The following HFM1 variants were observed in gnomAD, a reference collection of about 807,000 sequenced individuals.
The protein encoded by HFM1 is probable ATP-dependent DNA helicase HFM1.
Under a neutral mutation model 192.1 loss-of-function variants are expected in HFM1, and 169 were observed. The observed-to-expected ratio is 0.88, with a 90% confidence interval of 0.78 to 1.00. The LOEUF (loss-of-function observed/expected upper bound fraction) is 1.00. Among genes scored for constraint, HFM1 ranks in the 50% least tolerant of loss-of-function variants. The pLI, the probability that HFM1 is intolerant of heterozygous loss-of-function variation, is 0.00. For missense variants in HFM1, 1,661 were observed against 1,668.0 expected (o/e 1.00, Z 0.07); for synonymous variants, 525 against 537.8 (o/e 0.98, Z 0.33).
intron 13 of HFM1, among the ~76,000 whole-genome samples, chr1:91,362,524 C>A (rs1658652604): frequency 6.6e-6 from 1 of 152,140 alleles, no homozygotes; most frequent in Non-Finnish European, 1.5e-5. Flanking sequence ...CTACAAACCA[C>A]TGCTCAAAGA....
upstream of HFM1, among the ~76,000 whole-genome samples, chr1:91,406,562 G>C (rs910077728): frequency 1.3e-5 from 2 of 152,148 alleles, no homozygotes; most frequent in African/African-American, 4.8e-5. Context: ...TCCCATTTTG[G>C]GGGGAGGGAT....
chr1:91,405,115 C>A (rs531830237), upstream of HFM1, among the ~76,000 whole-genome samples: 30 of 152,236 alleles, frequency 2.0e-4, no homozygotes, highest in African/African-American at 7.2e-4. Flanking sequence ...CCTTTCTCAT[C>A]AAAGTTAGCC....
upstream of HFM1, among the ~76,000 whole-genome samples, chr1:91,405,721 G>A (rs1664770461): frequency 1.3e-5 from 2 of 152,138 alleles, no homozygotes; most frequent in South Asian, 2.1e-4. Context: ...CACAGTAAAT[G>A]CTCATGAATA....
intron 2 of HFM1, among the ~76,000 whole-genome samples, chr1:91,396,652 A>G (rs1465209089): frequency 1.3e-5 from 2 of 152,202 alleles, no homozygotes; most frequent in African/African-American, 4.8e-5. Flanking sequence ...CCTTTTCTCC[A>G]ATTCAAATGC....
chr1:91,390,148 A>G (rs1428532585), intron 4 of HFM1, among the ~76,000 whole-genome samples: 2 of 152,208 alleles, frequency 1.3e-5, no homozygotes, highest in Non-Finnish European at 2.9e-5. Flanking sequence ...TTAAAACAAA[A>G]TGAAATACTG....
chr1:91,285,639 C>T (rs1233838020), intron 30 of HFM1, among the ~76,000 whole-genome samples: 3 of 152,106 alleles, frequency 2.0e-5, no homozygotes, highest in African/African-American at 7.2e-5. Context: ...TTGTACAATA[C>T]GGATGTGCAT....
chr1:91,375,931 A>G lies in HFM1; in HGVS notation c.1396-204T>C, dbSNP rs1660852039. 3.9e-5 allele frequency among the ~76,000 whole-genome samples: 6 copies of G among 152,000 alleles called. 1 individual carries two copies. The South Asian group carries it at 1.2e-3, about 32-fold the overall frequency. On this transcript the variant is annotated intron_variant, in intron 11 of 38. Coordinates refer to ENST00000370425, the MANE Select transcript of HFM1 (RefSeq NM_001017975.6). ...ACCAATAGTAGTATTTCAAGATTATACCCACTTTTCACCATGGTAAACTTC... is the reference window on the plus strand; with the variant it reads ...ACCAATAGTAGTATTTCAAGATTATGCCCACTTTTCACCATGGTAAACTTC...
intron 1 of HFM1, 90 bp from the exon 2 acceptor site, chr1:91,401,199 G>T: frequency 1.6e-6 from 1 of 628,950 alleles, no homozygotes; most frequent in South Asian, 2.0e-5. Flanking sequence ...ACAGTCTCCT[G>T]TAAAATATAA....
At chr1:91,402,214 C>T (rs1455744082) in intron 1 of HFM1, among the ~76,000 whole-genome samples, 1 of 152,060 alleles carries the variant, frequency 6.6e-6, no homozygotes, top group Non-Finnish European at 1.5e-5. Context: ...TTGAATCCTC[C>T]TTGATGTGGG....
chr1:91,349,803 A>G (rs578033077), intron 18 of HFM1, among the ~76,000 whole-genome samples: 3 of 152,344 alleles, frequency 2.0e-5, no homozygotes, highest in African/African-American at 7.2e-5. Flanking sequence ...TTGTTTCTAG[A>G]TGATTTGTTT....
intron 13 of HFM1, among the ~76,000 whole-genome samples, chr1:91,374,201 C>T (rs902755471): frequency 6.6e-6 from 1 of 151,834 alleles, no homozygotes; most frequent in Non-Finnish European, 1.5e-5. Context: ...ACAGCTTGAC[C>T]GTGATGATTA....
intron 13 of HFM1, among the ~76,000 whole-genome samples, chr1:91,362,090 T>A (rs1201818026): frequency 2.0e-5 from 3 of 152,014 alleles, no homozygotes; most frequent in Non-Finnish European, 4.4e-5. Context: ...CAATACCATA[T>A]TGAATGGGCA....
At chr1:91,264,846 A>G (rs1357939057) in intron 36 of HFM1, among the ~76,000 whole-genome samples, 1 of 152,160 alleles carries the variant, frequency 6.6e-6, no homozygotes, top group Non-Finnish European at 1.5e-5. Flanking sequence ...AAGATACTTC[A>G]AATTGAAGAT....
intron 3 of HFM1, 57 bp downstream of exon 3, chr1:91,396,236 A>C: frequency 1.2e-6 from 1 of 814,250 alleles, no homozygotes. Flanking sequence ...GTTTTTTAAA[A>C]AAATATTGCC....
chr1:91,300,293 T>C (rs1401432278), intron 30 of HFM1, among the ~76,000 whole-genome samples: 5 of 152,164 alleles, frequency 3.3e-5, no homozygotes, highest in African/African-American at 7.2e-5. Flanking sequence ...CAATAATTAA[T>C]AGCTTACCAA....
chr1:91,299,735 A>G (rs374568344), intron 30 of HFM1, among the ~76,000 whole-genome samples: 17,242 of 152,244 alleles, frequency 0.11, 1,374 homozygotes, highest in Non-Finnish European at 0.18. Flanking sequence ...TTTGAAACCA[A>G]TGAGAACAAA....
At chr1:91,290,439 C>A (rs1170081882) in intron 30 of HFM1, among the ~76,000 whole-genome samples, 2 of 152,082 alleles carry the variant, frequency 1.3e-5, no homozygotes, top group African/African-American at 4.8e-5. Flanking sequence ...CAACAAAGAT[C>A]AAAAGAGACA....
chr1:91,311,726 A>G (rs1394757567), intron 30 of HFM1, among the ~76,000 whole-genome samples: 7 of 152,206 alleles, frequency 4.6e-5, no homozygotes, highest in East Asian at 1.9e-4. Context: ...AGAAATTTGC[A>G]TAAGTAGCAA....
At chr1:91,336,960 C>T (rs1040396821) in intron 20 of HFM1, among the ~76,000 whole-genome samples, 1 of 152,168 alleles carries the variant, frequency 6.6e-6, no homozygotes. Flanking sequence ...AGCCGTTATC[C>T]TCAGCAAACC....
Sources: gnomAD v4.1 joint callset for allele counts (sites outside exome capture counted in the v4.1 genomes callset) on GRCh38, gnomAD v4.1.1 for gene constraint, MANE v1.5 for transcripts, NCBI Gene and HGNC (gene_info 2026-07-23, HGNC 2026-07-21) for gene names.